Variants in HEMK2 observed in about 807,000 individuals in gnomAD.
HEMK2 encodes the protein HemK methyltransferase 2, ETF1 glutamine and histone H4 lysine.
At chr21:28,707,106 T>C in the HEMK2 span, among the ~76,000 whole-genome samples, 3 of 152,220 alleles carry the variant, frequency 2.0e-5, no homozygotes, top group Admixed American at 6.5e-5. Flanking sequence ...TACTGATATT[T>C]CTAATATTAG....
the HEMK2 span, among the ~76,000 whole-genome samples, chr21:28,597,285 A>G: frequency 3.3e-5 from 5 of 152,212 alleles, no homozygotes; most frequent in Non-Finnish European, 5.9e-5. Context: ...TTGCCTGAAC[A>G]AGCCAGCCCA....
chr21:28,735,065 C>T, the HEMK2 span, among the ~76,000 whole-genome samples: 3 of 152,190 alleles, frequency 2.0e-5, no homozygotes, highest in African/African-American at 7.2e-5. Flanking sequence ...TCTCATTCCC[C>T]AGAAGGCTAG....
At chr21:28,768,257 A>G in the HEMK2 span, among the ~76,000 whole-genome samples, 1 of 152,020 alleles carries the variant, frequency 6.6e-6, no homozygotes, top group Non-Finnish European at 1.5e-5. Context: ...GCCATCCTCT[A>G]CCTAACCTAA....
At chr21:28,819,486 A>G in the HEMK2 span, among the ~76,000 whole-genome samples, 2 of 150,108 alleles carry the variant, frequency 1.3e-5, no homozygotes, top group Non-Finnish European at 3.0e-5. Context: ...TGATTTTTCT[A>G]GTTAGTGGAG....
the HEMK2 span, among the ~76,000 whole-genome samples, chr21:28,619,788 G>A: frequency 4.6e-5 from 7 of 152,116 alleles, no homozygotes; most frequent in Non-Finnish European, 8.8e-5. Flanking sequence ...TTCAATTTGG[G>A]TTTGGGTTGC....
At chr21:28,752,894 G>A in the HEMK2 span, among the ~76,000 whole-genome samples, 1 of 152,250 alleles carries the variant, frequency 6.6e-6, no homozygotes, top group Non-Finnish European at 1.5e-5. Flanking sequence ...CCATGGGGAT[G>A]TGGGGCAGGT....
At chr21:28,824,391 T>C in the HEMK2 span, among the ~76,000 whole-genome samples, 2 of 152,234 alleles carry the variant, frequency 1.3e-5, no homozygotes, top group Non-Finnish European at 2.9e-5. Flanking sequence ...GACTTCATGT[T>C]CTCTTTGAAA....
At chr21:28,879,109 G>A in the HEMK2 span, among the ~76,000 whole-genome samples, 3 of 133,240 alleles carry the variant, frequency 2.3e-5, no homozygotes, top group Non-Finnish European at 4.7e-5. Flanking sequence ...TTTAGAGACA[G>A]GGTCTTGCTC....
At chr21:28,600,474 GC>G in the HEMK2 span, among the ~76,000 whole-genome samples, 1 of 152,220 alleles carries the variant, frequency 6.6e-6, no homozygotes, top group African/African-American at 2.4e-5. Context: ...CACAGCAGGG[GC>G]ACCCTGGGCC....
chr21:28,724,492 T>C, the HEMK2 span, among the ~76,000 whole-genome samples: 6 of 152,368 alleles, frequency 3.9e-5, 1 homozygote, highest in South Asian at 1.2e-3. Flanking sequence ...TTATTTCCTA[T>C]TAACTCCATA....
the HEMK2 span, among the ~76,000 whole-genome samples, chr21:28,576,856 G>A: frequency 8.6e-5 from 13 of 152,042 alleles, no homozygotes; most frequent in South Asian, 1.2e-3. Context: ...GATGGGAGGC[G>A]CCTGCCACCA....
At chr21:28,853,738 T>C in the HEMK2 span, among the ~76,000 whole-genome samples, 1 of 152,148 alleles carries the variant, frequency 6.6e-6, no homozygotes, top group Non-Finnish European at 1.5e-5. Flanking sequence ...CAGCATGGGT[T>C]GGGGAGGGGA....
the HEMK2 span, among the ~76,000 whole-genome samples, chr21:28,725,300 A>G: frequency 7.2e-5 from 11 of 152,192 alleles, no homozygotes; most frequent in Non-Finnish European, 1.2e-4. Context: ...ATGTCCCCCA[A>G]ATACAGATTC....
the HEMK2 span, among the ~76,000 whole-genome samples, chr21:28,727,999 G>C: frequency 6.6e-6 from 1 of 152,232 alleles, no homozygotes; most frequent in African/African-American, 2.4e-5. Context: ...TGGAAACAGA[G>C]ATTGGAGCGA....
chr21:28,700,529 C>T, the HEMK2 span, among the ~76,000 whole-genome samples: 16,425 of 152,110 alleles, frequency 0.11, 1,132 homozygotes, highest in East Asian at 0.3. Flanking sequence ...CTGCTATGCA[C>T]GCAAGCTAGA....
chr21:28,836,145 A>C, the HEMK2 span, among the ~76,000 whole-genome samples: 1 of 152,222 alleles, frequency 6.6e-6, no homozygotes, highest in Non-Finnish European at 1.5e-5. Flanking sequence ...AACACCTGGG[A>C]AATTCATCGC....
the HEMK2 span, among the ~76,000 whole-genome samples, chr21:28,831,514 A>AGAAAGAAAGAAG: frequency 3.2e-5 from 3 of 94,778 alleles, no homozygotes; most frequent in Admixed American, 1.2e-4. Context: ...AAAGAAAGAA[A>AGAAAGAAAGAAG]GAAAGAAAGA....
the HEMK2 span, among the ~76,000 whole-genome samples, chr21:28,815,348 C>T: frequency 1.3e-5 from 2 of 151,132 alleles, no homozygotes; most frequent in African/African-American, 4.9e-5. Context: ...ACGTTGTGCA[C>T]ATGTACCCTA....
At chr21:28,805,545 G>C in the HEMK2 span, among the ~76,000 whole-genome samples, 1 of 152,174 alleles carries the variant, frequency 6.6e-6, no homozygotes, top group African/African-American at 2.4e-5. Context: ...TCAGAAATTT[G>C]GAGGCTGCCG....
Sources: allele counts gnomAD v4.1 joint callset (sites outside exome capture counted in the v4.1 genomes callset), GRCh38; gene constraint gnomAD v4.1.1; transcripts MANE v1.5; gene names NCBI Gene and HGNC (gene_info 2026-07-23, HGNC 2026-07-21).